DMD: variants seen among roughly 807,000 people sequenced by gnomAD.
DMD encodes the protein mutant dystrophin.
Under a neutral mutation model 330.1 loss-of-function variants are expected in DMD, and 63 were observed. That is an observed-to-expected ratio of 0.19 (90% CI 0.16 to 0.24). The LOEUF (loss-of-function observed/expected upper bound fraction) is 0.24. Ranked by LOEUF, DMD falls within the 10% of genes least tolerant of loss-of-function variation. The pLI, the probability that DMD is intolerant of heterozygous loss-of-function variation, is 1.00. For missense variants in DMD, 3,344 were observed against 2,684.1 expected (o/e 1.25, Z -5.43); for synonymous variants, 1,223 against 959.8 (o/e 1.27, Z -5.07).
At chrX:32,505,111 T>C (rs2044485954) in intron 18 of DMD, among the ~76,000 whole-genome samples, 1 of 111,056 alleles carries the variant, frequency 9.0e-6, no homozygotes, top group South Asian at 3.8e-4. Flanking sequence ...TTGAGTTTGT[T>C]GATAGTTTTT....
At chrX:32,550,043 G>A (rs189413619) in intron 16 of DMD, among the ~76,000 whole-genome samples, 7 of 111,891 alleles carry the variant, frequency 6.3e-5, no homozygotes, top group Admixed American at 1.9e-4. Flanking sequence ...TACGAACGCC[G>A]TGGAGTGTAC....
chrX:31,563,305 C>G (rs764629481), intron 55 of DMD, among the ~76,000 whole-genome samples: 2 of 111,538 alleles, frequency 1.8e-5, no homozygotes, highest in Non-Finnish European at 3.8e-5. Context: ...GGTAATCCAC[C>G]CACCTCAGAC....
At chrX:31,687,317 T>A (rs758169009) in intron 52 of DMD, among the ~76,000 whole-genome samples, 1 of 111,244 alleles carries the variant, frequency 9.0e-6, no homozygotes, top group African/African-American at 3.3e-5. Context: ...GTCTTGCCCC[T>A]TAGGTACCAG....
chrX:31,262,374 T>C (rs761492783), intron 62 of DMD, among the ~76,000 whole-genome samples: 2 of 112,030 alleles, frequency 1.8e-5, no homozygotes, highest in East Asian at 5.6e-4. Flanking sequence ...ATCACCTATG[T>C]TTAAAAAAAA....
intron 44 of DMD, among the ~76,000 whole-genome samples, chrX:32,175,412 A>C (rs1662136595): frequency 9.0e-6 from 1 of 110,885 alleles, no homozygotes; most frequent in Non-Finnish European, 1.9e-5. Context: ...GGGGACAGTA[A>C]GGGAATAAAA....
chrX:31,747,559 T>A (rs2087955215), intron 51 of DMD, among the ~76,000 whole-genome samples: 1 of 111,466 alleles, frequency 9.0e-6, no homozygotes, highest in Non-Finnish European at 1.9e-5. Context: ...ATCACACACT[T>A]GCACTGCGGC....
At chrX:32,565,216 C>A (rs748375699) in intron 16 of DMD, among the ~76,000 whole-genome samples, 32 of 111,581 alleles carry the variant, frequency 2.9e-4, no homozygotes, top group African/African-American at 9.4e-4. Context: ...AGAAAAGGTA[C>A]AATAGTCAGA....
At chrX:32,202,445 G>A (rs1055746236) in intron 44 of DMD, among the ~76,000 whole-genome samples, 3 of 111,515 alleles carry the variant, frequency 2.7e-5, no homozygotes, top group Non-Finnish European at 3.8e-5. Flanking sequence ...TCCGCCTCTC[G>A]GGTTCAAGCG....
At chrX:32,274,837 T>C (rs1225281738) in intron 43 of DMD, among the ~76,000 whole-genome samples, 82 of 112,245 alleles carry the variant, frequency 7.3e-4, no homozygotes, top group Non-Finnish European at 7.5e-5. Context: ...AATTGGTTTG[T>C]TGTAAGGAGA....
rs1040129364 is a variant in DMD at position 32,234,408 on chromosome X, G to A, written c.6291-17345C>T. ...TGTAAGCTATAAAGAAGGGGGTGGT[G>A]AGAAGTTAGAATAGTGGTTTGCAAA... On this transcript the variant is annotated intron_variant, in intron 43 of 78. Transcript: ENST00000357033. Among the ~76,000 whole-genome samples the A allele has an allele frequency of 4.5e-5, 5 of 111,172 alleles. No homozygotes were observed. The Admixed American group carries it at 4.8e-4, about 11-fold the overall frequency.
At chrX:32,767,968 G>A (rs577498334) in intron 7 of DMD, among the ~76,000 whole-genome samples, 4 of 111,479 alleles carry the variant, frequency 3.6e-5, no homozygotes, top group African/African-American at 1.3e-4. Context: ...AAGAGATATA[G>A]ATATAACATT....
intron 13 of DMD, among the ~76,000 whole-genome samples, chrX:32,592,720 A>C (rs1474142000): frequency 2.7e-5 from 3 of 112,334 alleles, no homozygotes; most frequent in African/African-American, 9.7e-5. Context: ...GGGCAATGAG[A>C]AACAGAGAAG....
intron 1 of DMD, among the ~76,000 whole-genome samples, chrX:33,115,673 G>T (rs188656265): frequency 1.9e-5 from 2 of 107,511 alleles, no homozygotes; most frequent in Non-Finnish European, 3.8e-5. Flanking sequence ...AACCACGCCC[G>T]GCTAATTTTT....
At chrX:33,154,258 G>A (rs976266746) in intron 1 of DMD, among the ~76,000 whole-genome samples, 8 of 110,740 alleles carry the variant, frequency 7.2e-5, no homozygotes, top group Admixed American at 2.9e-4. Context: ...TTAGCCAGGC[G>A]TGGTGGTGGG....
intron 62 of DMD, among the ~76,000 whole-genome samples, chrX:31,292,827 T>C (rs2053804652): frequency 9.0e-6 from 1 of 111,557 alleles, no homozygotes; most frequent in Non-Finnish European, 1.9e-5. Flanking sequence ...ATAAACACAA[T>C]GTTGAGTCCT....
chrX:32,697,940 T>C lies in DMD; in HGVS notation c.890A>G (p.Lys297Arg), dbSNP rs2063776366. ...AGCAGCCTGTGTGTAGGCATAGCTC[T>C]TGAATCGAGGCTTAGGGGAAGAAGT... ...ERTSSPKPRF[K>R]SYAYTQAAYV... is the part of the protein sequence containing the mutation. Residue 297 changes from lysine (K) to arginine (R), a missense_variant, in exon 9 of 79, where the codon AAG becomes AGG. Lys to Arg is a conservative substitution (Grantham distance 26). Transcript: ENST00000357033. 1.7e-6 allele frequency: 2 copies of C among 1,204,824 alleles called. No individual in the cohort carries two copies. The highest frequency in any genetic ancestry group is 1.8e-5 in the African/African-American group (1 of 56,531).
chrX:31,624,484 T>C (rs920538687), intron 55 of DMD, among the ~76,000 whole-genome samples: 10 of 112,254 alleles, frequency 8.9e-5, no homozygotes, highest in East Asian at 2.8e-4. Context: ...AAGTGGCTGA[T>C]AGACGAAAGT....
intron 2 of DMD, among the ~76,000 whole-genome samples, chrX:32,949,389 GA>G (rs2091077521): frequency 9.2e-6 from 1 of 108,623 alleles, no homozygotes; most frequent in Non-Finnish European, 1.9e-5. Flanking sequence ...TAGATAGATA[GA>G]TAGACAGACA....
intron 27 of DMD, among the ~76,000 whole-genome samples, chrX:32,446,162 C>A (rs1339020445): frequency 1.8e-5 from 2 of 110,574 alleles, no homozygotes; most frequent in East Asian, 5.7e-4. Context: ...CAATGCAGAA[C>A]CACTAAAGAA....
Sources: allele counts gnomAD v4.1 joint callset (sites outside exome capture counted in the v4.1 genomes callset), GRCh38; gene constraint gnomAD v4.1.1; transcripts MANE v1.5; gene names NCBI Gene and HGNC (gene_info 2026-07-23, HGNC 2026-07-21).